The following CACNA1C variants were observed in gnomAD, a reference collection of about 807,000 sequenced individuals.
CACNA1C encodes voltage-dependent L-type calcium channel subunit alpha-1C.
A neutral mutation model predicts 229.0 loss-of-function variants in CACNA1C; 30 were observed. The ratio of observed to expected loss-of-function variants is 0.13; its 90% CI spans 0.10 to 0.18. The LOEUF is 0.18. Among genes scored for constraint, CACNA1C ranks in the 10% least tolerant of loss-of-function variants. The pLI is 1.00. For missense variants in CACNA1C, 1,658 were observed against 2,845.0 expected (o/e 0.58, Z 9.49); for synonymous variants, 1,114 against 1,132.5 (o/e 0.98, Z 0.33).
intron 3 of CACNA1C, among the ~76,000 whole-genome samples, chr12:2,151,964 C>T (rs912600752): frequency 2.6e-5 from 4 of 152,164 alleles, no homozygotes; most frequent in South Asian, 2.1e-4. Context: ...GTGTGGCAGC[C>T]GGTGGATGAC....
intron 30 of CACNA1C, among the ~76,000 whole-genome samples, chr12:2,634,976 G>T (rs1156601900): frequency 1.3e-5 from 2 of 152,200 alleles, no homozygotes; most frequent in African/African-American, 4.8e-5. Context: ...GCCCATGCAG[G>T]CATCCAGGTC....
At chr12:2,448,161 G>A (rs141269978) in intron 3 of CACNA1C, among the ~76,000 whole-genome samples, 1 of 152,254 alleles carries the variant, frequency 6.6e-6, no homozygotes, top group Admixed American at 6.5e-5. Context: ...TGTCCTGTTC[G>A]CTCTGGGCTC....
intron 3 of CACNA1C, among the ~76,000 whole-genome samples, chr12:2,206,116 G>A (rs920911225): frequency 1.3e-5 from 2 of 152,100 alleles, no homozygotes; most frequent in East Asian, 1.9e-4. Flanking sequence ...GGGGGAGGGC[G>A]AGCTGGACAG....
chr12:2,217,306 G>A (rs1029534518), intron 3 of CACNA1C, among the ~76,000 whole-genome samples: 2 of 152,174 alleles, frequency 1.3e-5, no homozygotes. Flanking sequence ...AGATTTTCAG[G>A]AATAGCAAAG....
intron 9 of CACNA1C, among the ~76,000 whole-genome samples, chr12:2,524,835 C>G: frequency 2.0e-5 from 3 of 152,214 alleles, no homozygotes; most frequent in Middle Eastern, 6.8e-3. Flanking sequence ...AGGGGACTGG[C>G]GAAGAGCAGC....
intron 3 of CACNA1C, among the ~76,000 whole-genome samples, chr12:2,211,499 G>A (rs962225450): frequency 1.3e-5 from 2 of 152,224 alleles, no homozygotes; most frequent in African/African-American, 2.4e-5. Context: ...ATGACCCTCT[G>A]TTGAGGCCTC....
intron 3 of CACNA1C, among the ~76,000 whole-genome samples, chr12:2,196,394 G>A (rs566571862): frequency 7.2e-5 from 11 of 152,336 alleles, no homozygotes; most frequent in African/African-American, 2.6e-4. Context: ...TGTTGTGAAA[G>A]CCCAAATGAG....
intron 3 of CACNA1C, among the ~76,000 whole-genome samples, chr12:2,396,456 G>A (rs2098580697): frequency 1.3e-5 from 2 of 152,166 alleles, no homozygotes; most frequent in African/African-American, 4.8e-5. Flanking sequence ...CGATCCGGCT[G>A]CCCAAGTGGT....
rs1548732 is a variant in CACNA1C at position 2,568,098 on chromosome 12, A to G, written c.1895+304A>G. ...CTTCAAGAAGAGGGTCAGGGACTCAATCTCTTCTCCTGTGCTTCACCAGCC... is the reference window on the plus strand; with the variant it reads ...CTTCAAGAAGAGGGTCAGGGACTCAGTCTCTTCTCCTGTGCTTCACCAGCC... On this transcript the variant is annotated intron_variant, in intron 13 of 46. Transcript: ENST00000399655. Among the ~76,000 whole-genome samples the G allele has an allele frequency of 0.99, 150,872 of 152,302 alleles. 74,742 individuals carry two copies. Among genetic ancestry groups the G allele is most frequent in the Middle Eastern group, 1 (294 of 294 alleles).
chr12:2,180,047 C>A (rs1174732656), intron 3 of CACNA1C, among the ~76,000 whole-genome samples: 2 of 152,222 alleles, frequency 1.3e-5, no homozygotes, highest in African/African-American at 4.8e-5. Context: ...TCCTGAGCAG[C>A]CTCACTCAGG....
chr12:1,996,214 T>C (rs941877015), intron 1 of CACNA1C, among the ~76,000 whole-genome samples: 2 of 152,202 alleles, frequency 1.3e-5, no homozygotes, highest in Non-Finnish European at 2.9e-5. Flanking sequence ...ATACACTGAC[T>C]TTCCCCATAC....
chr12:2,466,731 T>C (rs1460509423), intron 5 of CACNA1C, among the ~76,000 whole-genome samples: 1 of 152,174 alleles, frequency 6.6e-6, no homozygotes, highest in Non-Finnish European at 1.5e-5. Context: ...CCTGGAGACC[T>C]TGGGCAGGTC....
At chr12:2,011,594 G>A (rs566747116) in intron 1 of CACNA1C, among the ~76,000 whole-genome samples, 25 of 152,220 alleles carry the variant, frequency 1.6e-4, no homozygotes, top group African/African-American at 4.6e-4. Context: ...AAGCTACCTC[G>A]GTTCATATCA....
chr12:2,667,206 T>C (rs2096186059), intron 37 of CACNA1C, among the ~76,000 whole-genome samples: 1 of 112,060 alleles, frequency 8.9e-6, no homozygotes, highest in Non-Finnish European at 1.7e-5. Context: ...CTCACTTTAA[T>C]CAGATTCCTT....
chr12:2,616,838 C>A (rs2080877168), intron 29 of CACNA1C, among the ~76,000 whole-genome samples: 1 of 152,244 alleles, frequency 6.6e-6, no homozygotes, highest in African/African-American at 2.4e-5. Context: ...GAGGCAGCCT[C>A]CTCACCACGG....
chr12:2,548,884 T>C (rs1242394525), intron 9 of CACNA1C, among the ~76,000 whole-genome samples: 1 of 152,140 alleles, frequency 6.6e-6, no homozygotes, highest in Admixed American at 6.5e-5. Flanking sequence ...GGCTGATGAC[T>C]TTCTCAGCAT....
chr12:2,098,032 A>G (rs756857950), intron 1 of CACNA1C, among the ~76,000 whole-genome samples: 4 of 152,214 alleles, frequency 2.6e-5, no homozygotes, highest in Non-Finnish European at 4.4e-5. Flanking sequence ...ATTGAGAGCC[A>G]GAGAAGGAAC....
chr12:2,420,514 T>A (rs2098968027), intron 3 of CACNA1C, among the ~76,000 whole-genome samples: 1 of 152,206 alleles, frequency 6.6e-6, no homozygotes, highest in African/African-American at 2.4e-5. Flanking sequence ...GAAGCAGGTA[T>A]GTGTGTTGGG....
chr12:2,546,889 C>T (rs1047457726), intron 9 of CACNA1C, among the ~76,000 whole-genome samples: 1 of 152,166 alleles, frequency 6.6e-6, no homozygotes, highest in African/African-American at 2.4e-5. Flanking sequence ...GTAGGTCGAC[C>T]AGTGGGTTGT....
Sources: gnomAD v4.1 joint callset for allele counts (sites outside exome capture counted in the v4.1 genomes callset) on GRCh38, gnomAD v4.1.1 for gene constraint, MANE v1.5 for transcripts, NCBI Gene and HGNC (gene_info 2026-07-23, HGNC 2026-07-21) for gene names.